Variants in IL1RAPL1 observed in about 807,000 individuals in gnomAD.
IL1RAPL1 encodes the protein interleukin 1 receptor accessory protein like 1, also known as interleukin-1 receptor accessory protein-like 1.
A neutral mutation model predicts 48.4 loss-of-function variants in IL1RAPL1; 3 were observed. The ratio of observed to expected loss-of-function variants is 0.06; its 90% CI spans 0.03 to 0.16. The LOEUF (loss-of-function observed/expected upper bound fraction) is 0.16, where lower values mean the gene tolerates loss of function less well. Among genes scored for constraint, IL1RAPL1 ranks in the 10% least tolerant of loss-of-function variants. IL1RAPL1 has a pLI of 1.00. For synonymous variants in IL1RAPL1, 185 were observed against 187.7 expected (o/e 0.99, Z 0.12); for missense variants, 349 against 530.6 (o/e 0.66, Z 3.36).
intron 6 of IL1RAPL1, among the ~76,000 whole-genome samples, chrX:29,671,607 G>A (rs1429950301): frequency 8.9e-6 from 1 of 112,056 alleles, no homozygotes; most frequent in Non-Finnish European, 1.9e-5. Context: ...AAAAGGCCCA[G>A]AAATTTCACT....
chrX:29,903,754 T>TTAGA (rs779201277), intron 6 of IL1RAPL1, among the ~76,000 whole-genome samples: 3 of 111,867 alleles, frequency 2.7e-5, no homozygotes, highest in Non-Finnish European at 3.8e-5. Flanking sequence ...TGTTCTCATT[T>TTAGA]TAGATAGGAA....
chrX:28,761,731 C>T (rs1431196382), intron 1 of IL1RAPL1, among the ~76,000 whole-genome samples: 1 of 111,409 alleles, frequency 9.0e-6, no homozygotes, highest in Non-Finnish European at 1.9e-5. Flanking sequence ...ACATGTACCC[C>T]CGAATCTAAA....
rs190711394 is a variant in IL1RAPL1, at chrX:28,801,540, G to T, written c.82+12115G>T. ...GTTAAGTATCGTAAGTTCCAGGAAA[G>T]GTCTACAGACAGCTAATATTTACAC... On this transcript the variant is annotated intron_variant, in intron 2 of 10. Transcript: ENST00000378993. 7.0e-3 allele frequency among the ~76,000 whole-genome samples: 786 copies of T among 111,593 alleles called. 9 individuals are homozygous for T. The highest frequency in any genetic ancestry group is 0.024 in the African/African-American group (747 of 30,713).
At chrX:29,801,654 T>G (rs1267397219) in intron 6 of IL1RAPL1, among the ~76,000 whole-genome samples, 1 of 112,014 alleles carries the variant, frequency 8.9e-6, no homozygotes, top group Non-Finnish European at 1.9e-5. Context: ...TTTATCAGCT[T>G]TGCAAAATGT....
At chrX:29,715,460 C>T (rs1034511530) in intron 6 of IL1RAPL1, among the ~76,000 whole-genome samples, 1 of 111,676 alleles carries the variant, frequency 9.0e-6, no homozygotes, top group African/African-American at 3.2e-5. Flanking sequence ...TCCCTGAAGG[C>T]TCTTTGTCCT....
chrX:29,647,943 G>A (rs1342066984), intron 5 of IL1RAPL1, among the ~76,000 whole-genome samples: 4 of 111,443 alleles, frequency 3.6e-5, no homozygotes, highest in African/African-American at 1.3e-4. Context: ...GAGACTGAAA[G>A]TGAAAGTATG....
At chrX:29,675,715 C>T (rs888701787) in intron 6 of IL1RAPL1, among the ~76,000 whole-genome samples, 3 of 111,230 alleles carry the variant, frequency 2.7e-5, no homozygotes, top group East Asian at 2.8e-4. Flanking sequence ...CTCAGCCTCC[C>T]GAGTAGCTGG....
At chrX:28,997,372 A>G (rs926022645) in intron 2 of IL1RAPL1, among the ~76,000 whole-genome samples, 1 of 111,672 alleles carries the variant, frequency 9.0e-6, no homozygotes, top group Non-Finnish European at 1.9e-5. Context: ...AGATAACTCT[A>G]TGTTGGTGAT....
At chrX:29,235,968 A>G (rs1602127072) in intron 2 of IL1RAPL1, among the ~76,000 whole-genome samples, 1 of 111,707 alleles carries the variant, frequency 9.0e-6, no homozygotes, top group Non-Finnish European at 1.9e-5. Flanking sequence ...CTCATTGAAC[A>G]TAATGTCGAG....
At chrX:28,826,715 G>A (rs1238119114) in intron 2 of IL1RAPL1, among the ~76,000 whole-genome samples, 1 of 111,050 alleles carries the variant, frequency 9.0e-6, no homozygotes, top group East Asian at 2.8e-4. Flanking sequence ...GGATCATGAA[G>A]CCAACTCTTT....
intron 2 of IL1RAPL1, among the ~76,000 whole-genome samples, chrX:28,835,235 A>G (rs1432169447): frequency 1.8e-5 from 2 of 111,658 alleles, no homozygotes; most frequent in Non-Finnish European, 3.8e-5. Context: ...TCTGAAGCTG[A>G]CCCTCAACTA....
intron 2 of IL1RAPL1, among the ~76,000 whole-genome samples, chrX:28,910,242 G>C (rs1256354795): frequency 9.0e-6 from 1 of 110,966 alleles, no homozygotes; most frequent in Admixed American, 9.7e-5. Flanking sequence ...TTCTTTATTT[G>C]ATCTGAGAAT....
chrX:29,346,753 A>G (rs1933155170), intron 3 of IL1RAPL1, among the ~76,000 whole-genome samples: 1 of 112,195 alleles, frequency 8.9e-6, no homozygotes, highest in Non-Finnish European at 1.9e-5. Flanking sequence ...TGTGAATTAC[A>G]TTTCTCAGGG....
chrX:28,748,733 G>T (rs750880442), intron 1 of IL1RAPL1, among the ~76,000 whole-genome samples: 1 of 111,258 alleles, frequency 9.0e-6, no homozygotes, highest in Admixed American at 9.6e-5. Context: ...ATTGTGTAAT[G>T]TTCAAATCAA....
intron 3 of IL1RAPL1, among the ~76,000 whole-genome samples, chrX:29,303,633 A>G (rs1260174027): frequency 8.9e-6 from 1 of 111,901 alleles, no homozygotes; most frequent in Non-Finnish European, 1.9e-5. Flanking sequence ...AGCTTTGCAT[A>G]TGTTACGTAA....
At chrX:29,843,508 C>T (rs767418501) in intron 6 of IL1RAPL1, among the ~76,000 whole-genome samples, 43 of 111,744 alleles carry the variant, frequency 3.8e-4, no homozygotes, top group African/African-American at 1.4e-3. Context: ...GAAATTGCCA[C>T]AGACTTAGAG....
chrX:29,714,287 C>T (rs148585260), intron 6 of IL1RAPL1, among the ~76,000 whole-genome samples: 1 of 111,910 alleles, frequency 8.9e-6, no homozygotes, highest in African/African-American at 3.2e-5. Flanking sequence ...CAAATTGCTT[C>T]TTCACCTCCT....
At chrX:28,942,741 G>T (rs1601969064) in intron 2 of IL1RAPL1, among the ~76,000 whole-genome samples, 1 of 108,708 alleles carries the variant, frequency 9.2e-6, no homozygotes, top group Non-Finnish European at 1.9e-5. Context: ...AACTTGTTCT[G>T]TGCAATCCCA....
chrX:29,480,294 A>ATGTGTGTG (rs2147745800), intron 5 of IL1RAPL1, among the ~76,000 whole-genome samples: 2 of 91,497 alleles, frequency 2.2e-5, no homozygotes, highest in South Asian at 1.0e-3. Flanking sequence ...ACATATACAT[A>ATGTGTGTG]TATATATATA....
Sources: allele counts gnomAD v4.1 joint callset (sites outside exome capture counted in the v4.1 genomes callset), GRCh38; gene constraint gnomAD v4.1.1; transcripts MANE v1.5; gene names NCBI Gene and HGNC (gene_info 2026-07-23, HGNC 2026-07-21).